Variants in COL25A1 observed in about 807,000 individuals in gnomAD.
COL25A1 encodes collagen alpha-1(XXV) chain.
Under a neutral mutation model 128.4 loss-of-function variants are expected in COL25A1, and 103 were observed. The observed-to-expected ratio is 0.80, with a 90% CI of 0.68 to 0.94. COL25A1 has a LOEUF of 0.94. Ranked by LOEUF, COL25A1 falls within the 40% of genes least tolerant of loss-of-function variation. The probability of loss-of-function intolerance (pLI) is 0.00; values close to 1 mark genes in which losing one functional copy is unlikely to be tolerated. For synonymous variants in COL25A1, 279 were observed against 277.2 expected, an observed-to-expected ratio of 1.01 and a Z score of -0.06; for missense variants, 745 against 840.0, an observed-to-expected ratio of 0.89 and a Z score of 1.40.
chr4:109,065,540 G>GCA (rs1762359231), intron 3 of COL25A1, among the ~76,000 whole-genome samples: 2 of 133,672 alleles, frequency 1.5e-5, no homozygotes, highest in African/African-American at 5.7e-5. Flanking sequence ...GCACGCGCGC[G>GCA]CGCGCGTGTG....
chr4:108,899,332 G>T, intron 14 of COL25A1, 152 bp from the exon 15 acceptor site: 2 of 606,644 alleles, frequency 3.3e-6, no homozygotes, highest in South Asian at 2.3e-5. Flanking sequence ...GAAAACAAAT[G>T]ATAAAATGAG....
At chr4:108,952,750 AAAG>A (rs780471429) in intron 8 of COL25A1, among the ~76,000 whole-genome samples, 3 of 151,926 alleles carry the variant, frequency 2.0e-5, no homozygotes, top group Non-Finnish European at 4.4e-5. Flanking sequence ...ATGGATCAGG[AAAG>A]AAGATCAGTA....
At chr4:109,292,934 G>A (rs1038790044) in intron 3 of COL25A1, among the ~76,000 whole-genome samples, 1 of 152,010 alleles carries the variant, frequency 6.6e-6, no homozygotes, top group Non-Finnish European at 1.5e-5. Flanking sequence ...AGCATTTCTG[G>A]CATGACTTTA....
chr4:109,302,004 G>C lies in COL25A1; in HGVS notation c.16C>G (p.His6Asp), dbSNP rs764010870. The C allele has an allele frequency of 2.5e-6, 4 of 1,595,350 alleles. No homozygotes were observed. The highest frequency in any genetic ancestry group is 3.4e-6 in the Non-Finnish European group (4 of 1,171,650). Residue 6 changes from histidine (H) to aspartate (D), a missense_variant, in exon 2 of 38, where the codon CAC becomes GAC. This residue lies in a region of COL25A1 where 319 missense variants were observed against 324.9 expected (regional missense o/e 0.98). Transcript: ENST00000399132. Reference sequence around the variant, plus strand: ...TCCCGGCCCCCTCCTTTCCCTGCGTGCTTCTTCAGCAGCATCGTGGCGGGG... The same window carrying C: ...TCCCGGCCCCCTCCTTTCCCTGCGTCCTTCTTCAGCAGCATCGTGGCGGGG... MLLKK[H>D]AGKGGGREPR...
At chr4:109,047,072 A>T (rs1760492646) in intron 5 of COL25A1, among the ~76,000 whole-genome samples, 1 of 152,190 alleles carries the variant, frequency 6.6e-6, no homozygotes. Flanking sequence ...CAAGGGCTCC[A>T]TCTCATGTTC....
chr4:109,290,484 T>C (rs967920244), intron 3 of COL25A1, among the ~76,000 whole-genome samples: 3 of 151,656 alleles, frequency 2.0e-5, no homozygotes, highest in African/African-American at 7.3e-5. Context: ...AGGTTTGGGG[T>C]TTTTCAAATT....
chr4:108,839,451 C>T (rs1004798951), intron 31 of COL25A1, among the ~76,000 whole-genome samples: 3 of 152,080 alleles, frequency 2.0e-5, no homozygotes, highest in Non-Finnish European at 2.9e-5. Flanking sequence ...GACAGTATCC[C>T]GGGAATGCTA....
At chr4:109,250,067 A>T (rs1780545639) in intron 3 of COL25A1, among the ~76,000 whole-genome samples, 1 of 152,122 alleles carries the variant, frequency 6.6e-6, no homozygotes, top group South Asian at 2.1e-4. Flanking sequence ...TAGAAAGAGT[A>T]ATAGCTTAAG....
intron 10 of COL25A1, among the ~76,000 whole-genome samples, chr4:108,938,781 C>T (rs893014996): frequency 3.3e-5 from 5 of 151,926 alleles, no homozygotes; most frequent in Admixed American, 2.0e-4. Flanking sequence ...GGTGTGAACC[C>T]GGGAGGCAGA....
intron 3 of COL25A1, among the ~76,000 whole-genome samples, chr4:109,249,543 T>C (rs1475313437): frequency 6.6e-6 from 1 of 152,090 alleles, no homozygotes; most frequent in Non-Finnish European, 1.5e-5. Context: ...GTCAGTATAA[T>C]ACAGTAAATA....
chr4:108,999,441 G>T (rs1417851569), intron 6 of COL25A1, among the ~76,000 whole-genome samples: 1 of 152,144 alleles, frequency 6.6e-6, no homozygotes, highest in Admixed American at 6.5e-5. Flanking sequence ...AGTTAGAATG[G>T]CAATAATTAA....
At chr4:108,844,445 G>A in intron 30 of COL25A1, 74 bp downstream of exon 30, 1 of 1,612,856 alleles carries the variant, frequency 6.2e-7, no homozygotes, top group Non-Finnish European at 8.5e-7. Flanking sequence ...GCTGTTTAGA[G>A]GGATGTGTTC....
At chr4:108,860,072 T>C (rs1186779886) in intron 23 of COL25A1, among the ~76,000 whole-genome samples, 7 of 152,190 alleles carry the variant, frequency 4.6e-5, no homozygotes, top group Admixed American at 4.6e-4. Context: ...TATTAAAGCA[T>C]CCTCTAACCT....
intron 3 of COL25A1, among the ~76,000 whole-genome samples, chr4:109,194,592 G>C (rs1478792103): frequency 6.6e-6 from 1 of 151,962 alleles, no homozygotes; most frequent in East Asian, 1.9e-4. Flanking sequence ...ATACCAAATC[G>C]GGCAATAGGT....
chr4:109,109,626 C>T (rs999193579), intron 3 of COL25A1, among the ~76,000 whole-genome samples: 1 of 152,176 alleles, frequency 6.6e-6, no homozygotes, highest in African/African-American at 2.4e-5. Flanking sequence ...CAGTGGCTCC[C>T]TTTTACGGTT....
intron 3 of COL25A1, among the ~76,000 whole-genome samples, chr4:109,077,305 C>T (rs1358124994): frequency 6.6e-6 from 1 of 152,140 alleles, no homozygotes; most frequent in Non-Finnish European, 1.5e-5. Context: ...TACTTAAGCA[C>T]AAGACCAAGC....
At chr4:108,884,510 C>A (rs1717535973) in intron 18 of COL25A1, among the ~76,000 whole-genome samples, 1 of 152,080 alleles carries the variant, frequency 6.6e-6, no homozygotes, top group African/African-American at 2.4e-5. Flanking sequence ...AAGAAACTCC[C>A]ATATTTCATT....
At chr4:108,832,966 C>CAA (rs1733323237) in intron 31 of COL25A1, among the ~76,000 whole-genome samples, 1 of 2,860 alleles carries the variant, frequency 3.5e-4, no homozygotes, top group Non-Finnish European at 1.1e-3. Flanking sequence ...GACTCCGTCT[C>CAA]AAAAAATAAT....
intron 5 of COL25A1, among the ~76,000 whole-genome samples, chr4:109,011,791 G>A (rs1437283135): frequency 6.6e-6 from 1 of 152,146 alleles, no homozygotes; most frequent in South Asian, 2.1e-4. Context: ...ATCAACTATG[G>A]TACAAGAGCA....
Sources: allele counts gnomAD v4.1 joint callset (sites outside exome capture counted in the v4.1 genomes callset), GRCh38; gene constraint gnomAD v4.1.1; regional missense constraint gnomAD v4.1.1; transcripts MANE v1.5; gene names NCBI Gene and HGNC (gene_info 2026-07-23, HGNC 2026-07-21).